ATP6V1D: variants seen among roughly 807,000 people sequenced by gnomAD.
ATP6V1D encodes V-type proton ATPase subunit D.
In ATP6V1D, 20 loss-of-function variants were observed where a neutral mutation model predicts 39.4. That is an observed-to-expected ratio of 0.51 (90% CI 0.36 to 0.74). The LOEUF (loss-of-function observed/expected upper bound fraction) is 0.74. ATP6V1D is among the 30% of genes least tolerant of loss of function. The pLI, the probability that ATP6V1D is intolerant of heterozygous loss-of-function variation, is 0.00. For missense variants in ATP6V1D, 228 were observed against 291.6 expected (o/e 0.78, Z 1.59); for synonymous variants, 100 against 100.5 (o/e 0.99, Z 0.03).
At chr14:67,348,521 TTTTTTTA>T (rs1185183427) in intron 4 of ATP6V1D, among the ~76,000 whole-genome samples, 11 of 149,422 alleles carry the variant, frequency 7.4e-5, no homozygotes, top group African/African-American at 2.5e-4. Context: ...GACTTCTTTA[TTTTTTTA>T]TTTTTTATTT....
intron 3 of ATP6V1D, 24 bp downstream of exon 3, chr14:67,350,587 A>G (rs773316188): frequency 5.6e-6 from 9 of 1,596,348 alleles, no homozygotes; most frequent in South Asian, 2.3e-5. Context: ...TTTTGCTTCA[A>G]AACACCCCGT....
intron 6 of ATP6V1D, among the ~76,000 whole-genome samples, chr14:67,343,807 T>C (rs754264296): frequency 1.2e-4 from 18 of 152,336 alleles, no homozygotes; most frequent in Non-Finnish European, 2.4e-4. Context: ...AGTGAGCTAT[T>C]ACTGTGCCAC....
At chr14:67,352,382 G>A (rs1203416344) in intron 2 of ATP6V1D, among the ~76,000 whole-genome samples, 2 of 148,000 alleles carry the variant, frequency 1.4e-5, no homozygotes, top group African/African-American at 5.0e-5. Context: ...GAGGTGGGAG[G>A]ATCACTGGAG....
chr14:67,356,555 ATTAAC>A (rs1451431403), intron 1 of ATP6V1D, among the ~76,000 whole-genome samples: 3 of 152,218 alleles, frequency 2.0e-5, no homozygotes, highest in African/African-American at 4.8e-5. Context: ...GACTTTAGAC[ATTAAC>A]TTAAAGATTA....
At chr14:67,345,726 C>G in intron 6 of ATP6V1D, 42 bp downstream of exon 6, 2 of 1,410,068 alleles carry the variant, frequency 1.4e-6, no homozygotes, top group Non-Finnish European at 2.0e-6. Context: ...TTGACTGTTA[C>G]AAATCAAACT....
At chr14:67,345,346 C>T (rs1407846076) in intron 6 of ATP6V1D, among the ~76,000 whole-genome samples, 1 of 152,130 alleles carries the variant, frequency 6.6e-6, no homozygotes, top group African/African-American at 2.4e-5. Flanking sequence ...CACCTGAAGT[C>T]AGGAGTTCGA....
chr14:67,347,143 C>T (rs900873142), intron 5 of ATP6V1D, among the ~76,000 whole-genome samples: 9 of 152,096 alleles, frequency 5.9e-5, no homozygotes, highest in African/African-American at 2.2e-4. Flanking sequence ...GCCACCACAC[C>T]TGGCTGATTT....
At position 67,338,810 on chromosome 14, in the gene ATP6V1D, T is replaced by A. The variant is rs768467959; in HGVS notation, c.603-48A>T. On this transcript the variant is annotated intron_variant, in intron 8 of 8. Transcript: ENST00000216442. Reference sequence around the variant, plus strand: ...GATTTTTTAAACACTGTTTCAATATTAAGTAGATTTGATTTCTTTGAGTTT... The same window carrying A: ...GATTTTTTAAACACTGTTTCAATATAAAGTAGATTTGATTTCTTTGAGTTT... 3.3e-6 allele frequency: 5 copies of A among 1,517,974 alleles called. No individual in the cohort carries two copies. The African/African-American group carries it at 4.2e-5, about 13-fold the overall frequency. The allele number at this position is 1,517,974 out of a possible 1,614,324, so 94.0% of individuals were successfully genotyped here. A position where few individuals can be genotyped will look rare whatever the true frequency, so the allele number is the denominator to read the frequency against.
chr14:67,358,507 G>C (rs1005983803), intron 1 of ATP6V1D, among the ~76,000 whole-genome samples: 3 of 152,078 alleles, frequency 2.0e-5, no homozygotes, highest in Non-Finnish European at 4.4e-5. Flanking sequence ...CTAAATGTCA[G>C]GGTCAAAACT....
intron 1 of ATP6V1D, among the ~76,000 whole-genome samples, chr14:67,357,622 A>G (rs369094092): frequency 2.0e-5 from 3 of 152,374 alleles, no homozygotes; most frequent in East Asian, 3.9e-4. Context: ...AGATAAACCC[A>G]GCCAGACATT....
intron 6 of ATP6V1D, 54 bp downstream of exon 6, chr14:67,345,714 A>G (rs1251829163): frequency 2.4e-6 from 3 of 1,244,084 alleles, no homozygotes; most frequent in African/African-American, 3.0e-5. Flanking sequence ...ACTCTCCTCC[A>G]CTTGACTGTT....
intron 8 of ATP6V1D, 68 bp downstream of exon 8, chr14:67,340,372 A>G: frequency 7.5e-7 from 1 of 1,338,222 alleles, no homozygotes; most frequent in African/African-American, 1.4e-5. Context: ...CCAACAAGTC[A>G]TTCAGCAAAT....
chr14:67,350,063 A>G (rs2085645901), intron 3 of ATP6V1D, among the ~76,000 whole-genome samples: 1 of 152,258 alleles, frequency 6.6e-6, no homozygotes, highest in South Asian at 2.1e-4. Context: ...TTATTTGGAG[A>G]ATTACATAAC....
In ATP6V1D at chr14:67,345,870, A is replaced by C; in HGVS notation, c.354T>G (p.Ser118Arg). Residue 118 changes from serine (S) to arginine (R), a missense_variant and splice_region_variant, in exon 6 of 9, where the codon AGT becomes AGG. Around this residue, in one of 3 missense-constraint regions of ATP6V1D, gnomAD observed 10 missense variants for 43.0 expected, o/e 0.23. Transcript: ENST00000216442. The part of the protein sequence containing the change: ...VFEHYHEGTD[S>R]YELTGLARGG... ...CTCTGGCTAAACCAGTCAGTTCATA[A>C]CCTGAAAGGACCAGTCAGACAACAT... is the stretch of plus-strand genomic sequence containing the variant. 3.8e-6 allele frequency: 6 copies of C among 1,596,966 alleles called. No individual in the cohort carries two copies. Among genetic ancestry groups the C allele is most frequent in the Non-Finnish European group, 5.1e-6 (6 of 1,165,262 alleles).
rs2141106425 is a variant in ATP6V1D, at chr14:67,350,805, T to C, written c.160-115A>G. ...ATTTTATGCTGGCTGTGCATGTAAA[T>C]ATTGGTTTGATAACGACAAACAGAA... On this transcript the variant is annotated intron_variant, in intron 2 of 8. Transcript: ENST00000216442. 6 of 1,004,920 alleles carry C rather than the reference T, an allele frequency of 6.0e-6. No homozygotes were observed. In the East Asian group the frequency reaches 8.2e-5, roughly 14 times the overall value. 62.3% of individuals were successfully genotyped at this position (1,004,920 alleles called of 1,614,324 possible).
At chr14:67,343,224 A>G (rs1029958490) in intron 7 of ATP6V1D, 148 bp downstream of exon 7, 35 of 513,388 alleles carry the variant, frequency 6.8e-5, no homozygotes, top group African/African-American at 6.7e-4. Context: ...TTTTTTTACT[A>G]TGGACACACT....
chr14:67,338,593 G>T lies in ATP6V1D; in HGVS notation c.*28C>A, dbSNP rs756733903. On this transcript the variant is annotated 3_prime_UTR_variant, in exon 9 of 9. Transcript: ENST00000216442. ...GAATTAAAATGAAGCCAGTGTTAGG[G>T]TTTCTCAAAGAACCAGAACAGGAAA... 3.1e-6 allele frequency: 5 copies of T among 1,604,212 alleles called. No individual in the cohort carries two copies. In the East Asian group the frequency reaches 6.7e-5, roughly 22 times the overall value.
At chr14:67,347,572 C>T (rs989578198) in intron 4 of ATP6V1D, 119 bp from the exon 5 acceptor site, 64 of 802,566 alleles carry the variant, frequency 8.0e-5, no homozygotes, top group Non-Finnish European at 1.2e-4. Context: ...CGTGATCTCG[C>T]CTCACCGCAA....
intron 8 of ATP6V1D, 87 bp downstream of exon 8, chr14:67,340,353 G>T: frequency 8.9e-7 from 1 of 1,117,472 alleles, no homozygotes; most frequent in South Asian, 1.3e-5. Context: ...TAATTCTAAA[G>T]AACATAAACC....
Sources: allele counts gnomAD v4.1 joint callset (sites outside exome capture counted in the v4.1 genomes callset), GRCh38; gene constraint gnomAD v4.1.1; regional missense constraint gnomAD v4.1.1; transcripts MANE v1.5; gene names NCBI Gene and HGNC (gene_info 2026-07-23, HGNC 2026-07-21).